The following MIPEP variants were observed in gnomAD, a reference collection of about 807,000 sequenced individuals.
MIPEP encodes mitochondrial intermediate peptidase.
Under a neutral mutation model 90.3 loss-of-function variants are expected in MIPEP, and 79 were observed. The observed-to-expected ratio is 0.87, with a 90% CI of 0.73 to 1.05. The LOEUF (loss-of-function observed/expected upper bound fraction) is 1.05. Ranked by LOEUF, MIPEP falls within the 50% of genes least tolerant of loss-of-function variation. MIPEP has a pLI of 0.00. For missense variants in MIPEP, 940 were observed against 905.6 expected (o/e 1.04, Z -0.49); for synonymous variants, 334 against 315.8 (o/e 1.06, Z -0.61).
intron 16 of MIPEP, among the ~76,000 whole-genome samples, chr13:23,772,681 C>T (rs1952666269): frequency 6.6e-6 from 1 of 151,990 alleles, no homozygotes; most frequent in Non-Finnish European, 1.5e-5. Flanking sequence ...GAGCTGATGG[C>T]CTCATATTTC....
chr13:23,756,627 G>A lies in MIPEP; in HGVS notation c.1971-9C>T, dbSNP rs756640612. ...AGCGCTCCCCGGCAGCCCTGGGGAA[G>A]AGAGGTTCTGTTACAGACTCCTGCT... is the stretch of plus-strand genomic sequence containing the variant. On this transcript the variant is annotated splice_polypyrimidine_tract_variant and intron_variant, in intron 17 of 18. Transcript: ENST00000382172. 1 of 1,611,548 alleles carries A rather than the reference G, an allele frequency of 6.2e-7. No individual in the cohort carries two copies. The highest frequency in any genetic ancestry group is 8.5e-7 in the Non-Finnish European group (1 of 1,179,740).
chr13:23,741,014 C>T (rs373757924), intron 18 of MIPEP, among the ~76,000 whole-genome samples: 14 of 152,126 alleles, frequency 9.2e-5, no homozygotes, highest in East Asian at 5.8e-4. Context: ...TGGATGGACT[C>T]GTAACACCAA....
At chr13:23,741,021 C>T (rs1015128608) in intron 18 of MIPEP, among the ~76,000 whole-genome samples, 17 of 152,186 alleles carry the variant, frequency 1.1e-4, no homozygotes, top group African/African-American at 3.9e-4. Context: ...ACTCGTAACA[C>T]CAATCAGGCA....
At chr13:23,835,234 TG>T (rs1868983202) in intron 14 of MIPEP, among the ~76,000 whole-genome samples, 1 of 151,984 alleles carries the variant, frequency 6.6e-6, no homozygotes, top group Non-Finnish European at 1.5e-5. Flanking sequence ...TAGCCCAGGC[TG>T]GTCTCGAACT....
At chr13:23,834,842 G>T (rs1223790022) in intron 14 of MIPEP, among the ~76,000 whole-genome samples, 1 of 151,714 alleles carries the variant, frequency 6.6e-6, no homozygotes, top group African/African-American at 2.4e-5. Flanking sequence ...GATGGATTAT[G>T]CTATCACGTG....
chr13:23,793,636 G>C (rs888295680), intron 16 of MIPEP, among the ~76,000 whole-genome samples: 7 of 152,038 alleles, frequency 4.6e-5, no homozygotes, highest in African/African-American at 1.7e-4. Context: ...GAGCCATGCT[G>C]TTCTTTGAGG....
At chr13:23,771,180 G>A (rs2138532035) in intron 16 of MIPEP, among the ~76,000 whole-genome samples, 1 of 152,278 alleles carries the variant, frequency 6.6e-6, no homozygotes, top group East Asian at 1.9e-4. Flanking sequence ...CCTGACCGTG[G>A]CCACACCCAC....
intron 18 of MIPEP, among the ~76,000 whole-genome samples, chr13:23,742,307 T>C (rs1320561629): frequency 6.6e-6 from 1 of 151,950 alleles, no homozygotes; most frequent in Admixed American, 6.5e-5. Flanking sequence ...TATATCCTGA[T>C]GGTTAGAGCA....
intron 17 of MIPEP, among the ~76,000 whole-genome samples, chr13:23,758,640 C>T (rs1486233479): frequency 2.0e-5 from 3 of 152,016 alleles, no homozygotes; most frequent in African/African-American, 7.3e-5. Flanking sequence ...AAGAGCAGAC[C>T]AAATGTCTAC....
At chr13:23,788,589 G>A (rs1862355230) in intron 16 of MIPEP, among the ~76,000 whole-genome samples, 1 of 152,192 alleles carries the variant, frequency 6.6e-6, no homozygotes, top group South Asian at 2.1e-4. Flanking sequence ...ACAAATAACT[G>A]CAAGGGGCAT....
At chr13:23,814,410 C>A (rs373589601) in intron 14 of MIPEP, among the ~76,000 whole-genome samples, 14 of 152,044 alleles carry the variant, frequency 9.2e-5, no homozygotes, top group African/African-American at 3.4e-4. Flanking sequence ...TACAGGCGCC[C>A]GCCACCACGC....
chr13:23,862,188 GA>G, intron 9 of MIPEP, 113 bp downstream of exon 9: 1 of 685,606 alleles, frequency 1.5e-6, no homozygotes, highest in Non-Finnish European at 2.6e-6. Context: ...CCGAGGATCA[GA>G]AACAAGACTA....
intron 8 of MIPEP, among the ~76,000 whole-genome samples, chr13:23,863,433 G>C (rs80094562): frequency 0.047 from 7,201 of 152,244 alleles, 230 homozygotes; most frequent in Middle Eastern, 0.071. Flanking sequence ...TCATGTGATA[G>C]GTTGCAGCCA....
rs542889128 is a variant in MIPEP, at chr13:23,857,415, T to C, written c.1106+1445A>G. ...GAACCTATATCTCTACAAAAAAATT[T>C]AAAAATCAGCTGGGTATGGTGGTAC... On this transcript the variant is annotated intron_variant, in intron 10 of 18. Coordinates refer to ENST00000382172, the MANE Select transcript of MIPEP (RefSeq NM_005932.4). Among the ~76,000 whole-genome samples the C allele has an allele frequency of 5.3e-4, 80 of 152,160 alleles. 1 individual carries two copies. The South Asian group carries it at 0.016, about 30-fold the overall frequency.
chr13:23,731,124 C>G (rs1056328048), intron 18 of MIPEP, among the ~76,000 whole-genome samples: 2 of 152,098 alleles, frequency 1.3e-5, no homozygotes, highest in Non-Finnish European at 2.9e-5. Flanking sequence ...TCTAAAGAAG[C>G]CAAAAACAAA....
intron 10 of MIPEP, among the ~76,000 whole-genome samples, chr13:23,848,016 G>C (rs749683692): frequency 6.6e-6 from 1 of 152,182 alleles, no homozygotes; most frequent in African/African-American, 2.4e-5. Flanking sequence ...AAAGAGGCTT[G>C]TGACAGTCTA....
At chr13:23,764,619 C>T (rs997275015) in intron 16 of MIPEP, among the ~76,000 whole-genome samples, 1 of 152,166 alleles carries the variant, frequency 6.6e-6, no homozygotes, top group Admixed American at 6.5e-5. Flanking sequence ...AGTGCAGAGG[C>T]ATGAGCATGT....
intron 4 of MIPEP, among the ~76,000 whole-genome samples, chr13:23,877,368 C>T (rs1183431497): frequency 2.6e-5 from 4 of 152,170 alleles, no homozygotes; most frequent in Non-Finnish European, 5.9e-5. Context: ...TTCATTCCAA[C>T]GTGTGTTACA....
In MIPEP at chr13:23,805,948, A is replaced by C. The variant is rs780915621; in HGVS notation, c.1848+2T>G. 1.1e-5 allele frequency: 17 copies of C among 1,613,400 alleles called. No homozygotes were observed. Among genetic ancestry groups the C allele is most frequent in the Non-Finnish European group, 1.3e-5 (15 of 1,179,604 alleles). ...AAAACAGAAGCCAAATGCTGGACTC[A>C]CAGTATTTGGAACATATGGTAGGCC... On this transcript the variant is annotated splice_donor_variant, in intron 16 of 18. Transcript: ENST00000382172. LOFTEE classifies it high-confidence loss of function.
Sources: allele counts gnomAD v4.1 joint callset (sites outside exome capture counted in the v4.1 genomes callset), GRCh38; gene constraint gnomAD v4.1.1; transcripts MANE v1.5; gene names NCBI Gene and HGNC (gene_info 2026-07-23, HGNC 2026-07-21).